TTC28: variants seen among roughly 807,000 people sequenced by gnomAD.
TTC28 encodes the protein tetratricopeptide repeat domain 28.
Under a neutral mutation model 198.0 loss-of-function variants are expected in TTC28, and 61 were observed. The observed-to-expected ratio is 0.31, with a 90% CI of 0.25 to 0.38. TTC28 has a LOEUF of 0.38. Among genes scored for constraint, TTC28 ranks in the 10% least tolerant of loss-of-function variants. The pLI, the probability that TTC28 is intolerant of heterozygous loss-of-function variation, is 1.00. For missense variants in TTC28, 2,678 were observed against 3,164.0 expected (o/e 0.85, Z 3.69); for synonymous variants, 1,171 against 1,297.8 (o/e 0.90, Z 2.10).
At chr22:28,206,871 G>T (rs536209136) in intron 5 of TTC28, among the ~76,000 whole-genome samples, 1 of 152,132 alleles carries the variant, frequency 6.6e-6, no homozygotes, top group African/African-American at 2.4e-5. Context: ...ACTGACTCAC[G>T]TTGTTACAGA....
chr22:28,106,850 A>AC (rs1338336216), intron 7 of TTC28, among the ~76,000 whole-genome samples: 2 of 152,156 alleles, frequency 1.3e-5, no homozygotes, highest in African/African-American at 2.4e-5. Context: ...TTAGGCATTA[A>AC]CTCAATTTCT....
intron 2 of TTC28, among the ~76,000 whole-genome samples, chr22:28,535,689 T>TC (rs1167318466): frequency 6.6e-6 from 1 of 151,936 alleles, no homozygotes; most frequent in East Asian, 1.9e-4. Flanking sequence ...GGGATGGACT[T>TC]CCCCCTTGCC....
chr22:28,293,447 G>C (rs1242587773), intron 5 of TTC28, among the ~76,000 whole-genome samples: 1 of 152,092 alleles, frequency 6.6e-6, no homozygotes, highest in Non-Finnish European at 1.5e-5. Context: ...AGCATGGACA[G>C]AATGGTGGTT....
At chr22:28,150,733 C>G (rs1421488370) in intron 6 of TTC28, among the ~76,000 whole-genome samples, 1 of 152,172 alleles carries the variant, frequency 6.6e-6, no homozygotes, top group Non-Finnish European at 1.5e-5. Context: ...TAGGGACAGG[C>G]AGGTGTGGGA....
At chr22:28,652,412 A>G (rs994253306) in intron 1 of TTC28, among the ~76,000 whole-genome samples, 8 of 152,210 alleles carry the variant, frequency 5.3e-5, no homozygotes, top group African/African-American at 1.7e-4. Flanking sequence ...GCTGTCAGAA[A>G]TAATGGCTTG....
rs1261400444 is a variant in TTC28, at chr22:28,326,106, T to C, written c.382-19463A>G. On this transcript the variant is annotated intron_variant, in intron 2 of 22. Coordinates refer to ENST00000397906, the MANE Select transcript of TTC28 (RefSeq NM_001145418.2). ...AAATGTCCTTCAATGGGTGAATGGA[T>C]AGACATGCTGTGATACATCCATACA... Among the ~76,000 whole-genome samples, 4 of 152,110 alleles carry C rather than the reference T, an allele frequency of 2.6e-5. No individual in the cohort carries two copies. The East Asian group carries it at 7.7e-4, about 29-fold the overall frequency.
chr22:28,182,948 G>C (rs1193527874), intron 5 of TTC28, among the ~76,000 whole-genome samples: 1 of 152,058 alleles, frequency 6.6e-6, no homozygotes, highest in African/African-American at 2.4e-5. Context: ...GTTGGACTAG[G>C]ATCTACTTTT....
At chr22:28,502,975 T>C (rs1208618928) in intron 2 of TTC28, among the ~76,000 whole-genome samples, 1 of 152,192 alleles carries the variant, frequency 6.6e-6, no homozygotes, top group South Asian at 2.1e-4. Context: ...TTTATATTCT[T>C]TCATACTGCA....
intron 2 of TTC28, among the ~76,000 whole-genome samples, chr22:28,443,478 T>C (rs2146234791): frequency 6.6e-6 from 1 of 152,360 alleles, no homozygotes; most frequent in African/African-American, 2.4e-5. Flanking sequence ...CGCTTCCTTC[T>C]TGGATAACTT....
chr22:28,573,599 A>G (rs939072233), intron 2 of TTC28, among the ~76,000 whole-genome samples: 3 of 152,168 alleles, frequency 2.0e-5, no homozygotes, highest in Admixed American at 6.5e-5. Context: ...TTACAGATAC[A>G]TGAGATATTT....
rs528428750 is a variant in TTC28, at chr22:28,044,506, G to A, written c.3933-14140C>T. ...TTAGAGTACATGTGCACAATGTGCA[G>A]GTTTGTTACATATGTATACATGTGC... On this transcript the variant is annotated intron_variant, in intron 12 of 22. Coordinates refer to ENST00000397906, the MANE Select transcript of TTC28 (RefSeq NM_001145418.2). Among the ~76,000 whole-genome samples the A allele has an allele frequency of 2.6e-5, 4 of 152,052 alleles. No individual in the cohort carries two copies. The South Asian group carries it at 8.3e-4, about 32-fold the overall frequency.
intron 5 of TTC28, among the ~76,000 whole-genome samples, chr22:28,273,493 T>C (rs1403475745): frequency 6.6e-6 from 1 of 151,862 alleles, no homozygotes; most frequent in South Asian, 2.1e-4. Context: ...CATAGCAAGC[T>C]GGACATAGCT....
At position 28,108,114 on chromosome 22, in the gene TTC28, A is replaced by G. The variant is rs1294583329; in HGVS notation, c.1731T>C (p.Tyr577=). 13 of 1,551,336 alleles carry G rather than the reference A, an allele frequency of 8.4e-6. No homozygotes were observed. The highest frequency in any genetic ancestry group is 1.4e-5 in the African/African-American group (1 of 72,928). ...LGAHDRALQH[Y]QNHLNIAREL... ...CCCGGGCGATGTTCAAGTGGTTCTGATAGTGTTGCAGGGCCCGGTCATGGG... is the reference window on the plus strand; with the variant it reads ...CCCGGGCGATGTTCAAGTGGTTCTGGTAGTGTTGCAGGGCCCGGTCATGGG... Residue 577 remains tyrosine (Y), a synonymous_variant, in exon 7 of 23, where the codon TAT becomes TAC. Transcript: ENST00000397906.
intron 5 of TTC28, among the ~76,000 whole-genome samples, chr22:28,253,020 G>A (rs1601533635): frequency 6.6e-6 from 1 of 151,948 alleles, no homozygotes; most frequent in Non-Finnish European, 1.5e-5. Flanking sequence ...CTATAGAAAG[G>A]TTACACAGAT....
chr22:28,238,965 A>G (rs1195513001), intron 5 of TTC28, among the ~76,000 whole-genome samples: 4 of 152,302 alleles, frequency 2.6e-5, no homozygotes, highest in South Asian at 2.1e-4. Context: ...ATTGTGCTCT[A>G]TGAGGTTCCT....
chr22:28,467,985 G>C (rs905359404), intron 2 of TTC28, among the ~76,000 whole-genome samples: 1 of 151,760 alleles, frequency 6.6e-6, no homozygotes, highest in African/African-American at 2.4e-5. Context: ...TGCCCGGGCT[G>C]GTCTCAAACT....
intron 2 of TTC28, among the ~76,000 whole-genome samples, chr22:28,436,611 T>C (rs1316179162): frequency 1.3e-5 from 2 of 152,254 alleles, no homozygotes; most frequent in African/African-American, 4.8e-5. Context: ...AGCTAGACTA[T>C]GGAGTATTAT....
chr22:28,281,474 A>G (rs1002532089), intron 5 of TTC28, among the ~76,000 whole-genome samples: 1 of 151,738 alleles, frequency 6.6e-6, no homozygotes, highest in South Asian at 2.1e-4. Context: ...TTTCCTATCC[A>G]CTCTTTATAA....
At chr22:28,061,544 A>ACCTGAGGGCTCTGTTTCGTT (rs1376387411) in intron 12 of TTC28, among the ~76,000 whole-genome samples, 2 of 151,930 alleles carry the variant, frequency 1.3e-5, no homozygotes, top group Non-Finnish European at 2.9e-5. Context: ...GTGGCGTTAT[A>ACCTGAGGGCTCTGTTTCGTT]CCTGAGGGCT....
Sources: allele counts gnomAD v4.1 joint callset (sites outside exome capture counted in the v4.1 genomes callset), GRCh38; gene constraint gnomAD v4.1.1; transcripts MANE v1.5; gene names NCBI Gene and HGNC (gene_info 2026-07-23, HGNC 2026-07-21).